SULT6B1: variants seen among roughly 807,000 people sequenced by gnomAD.
SULT6B1 encodes sulfotransferase 6B1.
SULT6B1 carries 44 observed loss-of-function variants against 37.2 expected under a neutral mutation model. The observed-to-expected ratio is 1.18, with a 90% CI of 0.93 to 1.52. The LOEUF is 1.52. Among genes scored for constraint, SULT6B1 ranks in the 40% most tolerant of loss-of-function variants. The pLI, the probability that SULT6B1 is intolerant of heterozygous loss-of-function variation, is 0.00. For missense variants in SULT6B1, 450 were observed against 361.0 expected, an observed-to-expected ratio of 1.25 and a Z score of -2.00; for synonymous variants, 140 against 126.0, an observed-to-expected ratio of 1.11 and a Z score of -0.74.
At chr2:37,182,478 G>A (rs369225669) in intron 3 of SULT6B1, among the ~76,000 whole-genome samples, 3 of 151,994 alleles carry the variant, frequency 2.0e-5, no homozygotes, top group Non-Finnish European at 4.4e-5. Context: ...TTCAAAAAAC[G>A]CAATTACTTT....
intron 3 of SULT6B1, 123 bp downstream of exon 3, chr2:37,183,302 A>G (rs1676595682): frequency 1.3e-6 from 1 of 759,036 alleles, no homozygotes; most frequent in Non-Finnish European, 2.1e-6. Flanking sequence ...AAAACAAAAA[A>G]ACTAAATGTC....
chr2:37,181,794 G>T (rs905643107), intron 3 of SULT6B1, among the ~76,000 whole-genome samples: 1 of 152,144 alleles, frequency 6.6e-6, no homozygotes, highest in Non-Finnish European at 1.5e-5. Context: ...TTATTATAGA[G>T]ACACTAAGGA....
In SULT6B1 at chr2:37,184,519, C is replaced by T. The variant is rs140496830; in HGVS notation, c.313-1005G>A. ...GAAGTAAGGCTTCAAGTTTTTAGTCCCACATCTGTAGCGGTCACTTACTGC... is the reference window on the plus strand; with the variant it reads ...GAAGTAAGGCTTCAAGTTTTTAGTCTCACATCTGTAGCGGTCACTTACTGC... On this transcript the variant is annotated intron_variant, in intron 2 of 6. Transcript: ENST00000535679. 2.0e-5 allele frequency among the ~76,000 whole-genome samples: 3 copies of T among 152,124 alleles called. No individual in the cohort carries two copies. In the South Asian group the frequency reaches 6.2e-4, roughly 32 times the overall value.
In SULT6B1 at chr2:37,172,593, C is replaced by T. The variant is rs150770962; in HGVS notation, c.625-1003G>A. On this transcript the variant is annotated intron_variant, in intron 5 of 6. Transcript: ENST00000535679. ...CATGATCTCGGCTCACTGCAACCTC[C>T]ACCTCCAGGGTTCCAGCAATTCTCC... Among the ~76,000 whole-genome samples, 1,178 of 152,096 alleles carry T rather than the reference C, an allele frequency of 7.7e-3. 42 individuals carry two copies. Among genetic ancestry groups the T allele is most frequent in the Admixed American group, 0.069 (1,054 of 15,266 alleles).
rs567017890 is a variant in SULT6B1, at chr2:37,184,640, G to A, written c.313-1126C>T. 9.2e-5 allele frequency among the ~76,000 whole-genome samples: 14 copies of A among 152,308 alleles called. No individual in the cohort carries two copies. In the South Asian group the frequency reaches 2.9e-3, roughly 32 times the overall value. The stretch of plus-strand genomic sequence containing the variant: ...AAACTTAGTGGAGGCTGGGCATCCT[G>A]CCCAATATGGGGAAACCCCATCTCT... On this transcript the variant is annotated intron_variant, in intron 2 of 6. Transcript: ENST00000535679.
chr2:37,186,467 A>C (rs372031757), intron 2 of SULT6B1, among the ~76,000 whole-genome samples: 3 of 152,262 alleles, frequency 2.0e-5, no homozygotes, highest in Admixed American at 1.3e-4. Flanking sequence ...TTGTATTGGG[A>C]AGGTAAGTAA....
upstream of SULT6B1, among the ~76,000 whole-genome samples, chr2:37,193,429 T>C (rs1238023315): frequency 6.6e-6 from 1 of 151,706 alleles, no homozygotes; most frequent in Non-Finnish European, 1.5e-5. Context: ...GCCACTGCAC[T>C]CCAGCCCGGG....
At position 37,167,828 on chromosome 2, in the gene SULT6B1, C is replaced by A; in HGVS notation, c.*107G>T. 2 of 969,864 alleles carry A rather than the reference C, an allele frequency of 2.1e-6. No individual in the cohort carries two copies. Among genetic ancestry groups the A allele is most frequent in the Non-Finnish European group, 2.8e-6 (2 of 704,780 alleles). The allele number at this position is 969,864 out of a possible 1,614,324, so 60.1% of individuals were successfully genotyped here. A position where few individuals can be genotyped will look rare whatever the true frequency, so the allele number is the denominator to read the frequency against. ...ATTTTGTATTGTATTATTTAGATTT[C>A]AATATTGTTTAATTATTATTTGATT... On this transcript the variant is annotated 3_prime_UTR_variant, in exon 7 of 7. Transcript: ENST00000535679.
chr2:37,180,817 G>A (rs1395325021), intron 3 of SULT6B1, among the ~76,000 whole-genome samples: 1 of 152,110 alleles, frequency 6.6e-6, no homozygotes, highest in Non-Finnish European at 1.5e-5. Context: ...CTAGGAGACG[G>A]AGGTTGTCAT....
chr2:37,194,897 TTTCCTTCCTTCCTTCCTTCCTTCCTTCC>T (rs376397934), intron 1 of SULT6B1, among the ~76,000 whole-genome samples: 7,635 of 68,494 alleles, frequency 0.11, 696 homozygotes, highest in South Asian at 0.25. Flanking sequence ...TCCTTCCTTC[TTTCCTTCCTTCCTTCCTTCCTTCCTTCC>T]TTCCTTCCTT....
chr2:37,175,097 T>C (rs187693204), intron 5 of SULT6B1, 35 bp downstream of exon 5: 84 of 1,329,006 alleles, frequency 6.3e-5, no homozygotes, highest in Middle Eastern at 2.7e-4. Context: ...TAGTTTACAA[T>C]AAATTTTGCT....
intron 3 of SULT6B1, among the ~76,000 whole-genome samples, chr2:37,181,902 C>T (rs1676559264): frequency 6.6e-6 from 1 of 152,184 alleles, no homozygotes; most frequent in Non-Finnish European, 1.5e-5. Context: ...TTTAACAGAG[C>T]TATTCAAAGC....
intron 2 of SULT6B1, among the ~76,000 whole-genome samples, chr2:37,184,811 G>C (rs112577982): frequency 1.3e-5 from 2 of 151,434 alleles, no homozygotes. Flanking sequence ...CAGCCTGAGC[G>C]ACAGAGTGAG....
chr2:37,187,450 G>A lies in SULT6B1; in HGVS notation c.217C>T (p.His73Tyr). Residue 73 changes from histidine (H) to tyrosine (Y), a missense_variant, in exon 2 of 7, where the codon CAC becomes TAC. His to Tyr is a moderately conservative substitution (Grantham distance 83, BLOSUM62 2). Transcript: ENST00000535679. ...YPKCGSNWIL[H>Y]IVSELIYAVS... ...GCATATATTAATTCACTGACAATGT[G>A]GAGAATCCAGTTTGAACCTATCAGA... The A allele has an allele frequency of 6.3e-7, 1 of 1,596,692 alleles. No individual in the cohort carries two copies. Among genetic ancestry groups the A allele is most frequent in the Non-Finnish European group, 8.6e-7 (1 of 1,167,674 alleles).
At chr2:37,192,622 C>T (rs568196282), upstream of SULT6B1, among the ~76,000 whole-genome samples, 30 of 152,318 alleles carry the variant, frequency 2.0e-4, no homozygotes, top group African/African-American at 7.0e-4. Context: ...GGACTGAACT[C>T]CTTGCCAATC....
intron 1 of SULT6B1, among the ~76,000 whole-genome samples, chr2:37,193,764 G>A (rs993906084): frequency 2.6e-5 from 4 of 152,190 alleles, no homozygotes; most frequent in Non-Finnish European, 1.5e-5. Flanking sequence ...TTAAAGTGGA[G>A]GTCCCTATGG....
intron 4 of SULT6B1, among the ~76,000 whole-genome samples, chr2:37,177,709 T>C (rs191759988): frequency 6.6e-6 from 1 of 152,332 alleles, no homozygotes; most frequent in East Asian, 1.9e-4. Context: ...GAATAGATTT[T>C]AGGTGCTCTT....
intron 6 of SULT6B1, among the ~76,000 whole-genome samples, chr2:37,169,931 A>G (rs1676259022): frequency 6.6e-6 from 1 of 152,226 alleles, no homozygotes; most frequent in Admixed American, 6.5e-5. Context: ...TATATACTCA[A>G]TGAAAAATAA....
intron 4 of SULT6B1, among the ~76,000 whole-genome samples, 173 bp downstream of exon 4, chr2:37,179,285 A>G (rs959406365): frequency 1.3e-5 from 2 of 152,204 alleles, no homozygotes; most frequent in Admixed American, 6.5e-5. Flanking sequence ...ACAGCAATGC[A>G]TTTAATTGTT....
Sources: allele counts gnomAD v4.1 joint callset (sites outside exome capture counted in the v4.1 genomes callset), GRCh38; gene constraint gnomAD v4.1.1; transcripts MANE v1.5; gene names NCBI Gene and HGNC (gene_info 2026-07-23, HGNC 2026-07-21).